PCDHA2: variants seen among roughly 807,000 people sequenced by gnomAD.
PCDHA2 encodes protocadherin alpha-2.
In PCDHA2, 58 loss-of-function variants were observed where a neutral mutation model predicts 66.0. The ratio of observed to expected loss-of-function variants is 0.88; its 90% confidence interval spans 0.71 to 1.09. PCDHA2 has a LOEUF of 1.09. PCDHA2 is among the 50% of genes least tolerant of loss of function. PCDHA2 has a pLI of 0.00. For missense variants in PCDHA2, 1,267 were observed against 1,242.3 expected (o/e 1.02, Z -0.30); for synonymous variants, 634 against 554.0 (o/e 1.14, Z -2.03).
At chr5:140,805,078 C>T in intron 1 of PCDHA2, 2 of 1,593,568 alleles carry the variant, frequency 1.3e-6, no homozygotes, top group Non-Finnish European at 1.7e-6. Context: ...CTTCAATCTT[C>T]AAATCCAGCT....
chr5:140,877,432 C>A (rs782574302), intron 1 of PCDHA2: 1 of 1,613,874 alleles, frequency 6.2e-7, no homozygotes, highest in Non-Finnish European at 8.5e-7. Flanking sequence ...GGTGAAGGAC[C>A]ACGGTGAGCC....
chr5:140,954,405 G>T (rs246023), intron 1 of PCDHA2, among the ~76,000 whole-genome samples: 85,299 of 151,648 alleles, frequency 0.56, 24,568 homozygotes, highest in African/African-American at 0.69. Context: ...CCACCAACAG[G>T]GTAAAGGTGT....
chr5:140,952,952 G>C (rs1477546132), intron 1 of PCDHA2, among the ~76,000 whole-genome samples: 1 of 151,924 alleles, frequency 6.6e-6, no homozygotes, highest in Non-Finnish European at 1.5e-5. Context: ...GAGAGAAGGG[G>C]GAAGTGATAC....
At chr5:140,858,625 T>A (rs2045528405) in intron 1 of PCDHA2, 1 of 1,095,156 alleles carries the variant, frequency 9.1e-7, no homozygotes, top group South Asian at 1.7e-5. Flanking sequence ...CTACCCAGTG[T>A]GTCAGCCTTT....
In PCDHA2 at chr5:140,807,979, T is replaced by C. The variant is rs116894179; in HGVS notation, c.2388+10627T>C. 3.1e-6 allele frequency: 5 copies of C among 1,613,764 alleles called. No individual in the cohort carries two copies. In the East Asian group the frequency reaches 8.9e-5, roughly 29 times the overall value. On this transcript the variant is annotated intron_variant, in intron 1 of 3. Transcript: ENST00000526136. ...CTAATGGAACATTGGTAATTAAACT[T>C]AACGCCTCAGATTTAGACGAAGGAT...
intron 1 of PCDHA2, chr5:140,883,426 C>T: frequency 6.2e-7 from 1 of 1,614,196 alleles, no homozygotes; most frequent in Non-Finnish European, 8.5e-7. Context: ...GACAGGTCAC[C>T]TGCACCTTGA....
Position 140,982,513 on chromosome 5 carries a change from G to A in PCDHA2, c.2486G>A (p.Gly829Asp). Residue 829 changes from glycine (G) to aspartate (D), a missense_variant, in exon 3 of 4, where the codon GGT (glycine) becomes GAT (aspartate). Transcript: ENST00000526136. ...HLEEAGILRA[G>D]PGGPDQQWPT... is the part of the protein sequence containing the mutation. ...GAGGAGGCTGGCATTCTACGGGCTGGTCCAGGAGGGCCTGATCAGCAGTGG... is the reference window on the plus strand; with the variant it reads ...GAGGAGGCTGGCATTCTACGGGCTGATCCAGGAGGGCCTGATCAGCAGTGG... The A allele has an allele frequency of 6.2e-7, 1 of 1,614,194 alleles. No individual in the cohort carries two copies. Among genetic ancestry groups the A allele is most frequent in the Non-Finnish European group, 8.5e-7 (1 of 1,180,032 alleles).
intron 1 of PCDHA2, chr5:140,865,781 A>G (rs1213634186): frequency 3.3e-5 from 5 of 152,208 alleles, no homozygotes; most frequent in Admixed American, 1.3e-4. Flanking sequence ...TCAAATGTGT[A>G]TCTTTCAGGC....
intron 1 of PCDHA2, chr5:140,808,385 A>G (rs534285783): frequency 6.2e-7 from 1 of 1,614,148 alleles, no homozygotes; most frequent in African/African-American, 1.3e-5. Context: ...GCTGGTGTCC[A>G]CCTTCAAGAA....
chr5:140,870,055 G>A (rs868919509), intron 1 of PCDHA2: 6 of 1,613,774 alleles, frequency 3.7e-6, no homozygotes, highest in Non-Finnish European at 5.1e-6. Context: ...TTATAAAATT[G>A]AAGTACAGGC....
At position 140,882,987 on chromosome 5, in the gene PCDHA2, C is replaced by T; in HGVS notation, c.2388+85635C>T. The T allele has an allele frequency of 1.9e-6, 3 of 1,614,110 alleles. No individual in the cohort carries two copies. The highest frequency in any genetic ancestry group is 1.7e-6 in the Non-Finnish European group (2 of 1,180,042). ...ATTCTGGACGTGAATGACAACGCCC[C>T]GGAATTTTACCAATCCGTTTATAAA... is the stretch of plus-strand genomic sequence containing the variant. On this transcript the variant is annotated intron_variant, in intron 1 of 3. Coordinates refer to ENST00000526136, the MANE Select transcript of PCDHA2 (RefSeq NM_018905.3).
At chr5:140,801,587 G>C in intron 1 of PCDHA2, 1 of 1,614,210 alleles carries the variant, frequency 6.2e-7, no homozygotes, top group South Asian at 1.1e-5. Context: ...ATGACAACGC[G>C]CCAGTTTTTC....
chr5:140,882,985 C>T (rs1554176359), intron 1 of PCDHA2: 14 of 1,614,110 alleles, frequency 8.7e-6, no homozygotes, highest in Non-Finnish European at 1.1e-5. Flanking sequence ...ATGACAACGC[C>T]CCGGAATTTT....
rs782184651 is a variant in PCDHA2, at chr5:140,796,668, T to C, written c.1704T>C (p.Pro568=). ...ENDNAPALLA[P]RAGTAAGAVS... ...ACAACGCGCCGGCACTGTTGGCGCC[T>C]AGGGCTGGCACCGCTGCTGGCGCAG... Residue 568 remains proline, a synonymous_variant, in exon 1 of 4, where the codon CCT becomes CCC. Coordinates refer to ENST00000526136, the MANE Select transcript of PCDHA2 (RefSeq NM_018905.3). 2.5e-6 allele frequency: 4 copies of C among 1,613,754 alleles called. No homozygotes were observed. The highest frequency in any genetic ancestry group is 3.3e-5 in the Admixed American group (2 of 59,982).
Position 140,968,209 on chromosome 5 carries a change from C to A in PCDHA2, c.2389-10740C>A, listed in dbSNP as rs781795931. The A allele has an allele frequency of 2.5e-6, 4 of 1,613,884 alleles. No homozygotes were observed. In the African/African-American group the frequency reaches 4.0e-5, roughly 16 times the overall value. Reference sequence around the variant, plus strand: ...CCTATTCCATCTACATACAGGAGAACAATTTGCCAGGTGTGTTGCTCTGTA... The same window carrying A: ...CCTATTCCATCTACATACAGGAGAAAAATTTGCCAGGTGTGTTGCTCTGTA... On this transcript the variant is annotated intron_variant, in intron 1 of 3. Coordinates refer to ENST00000526136, the MANE Select transcript of PCDHA2 (RefSeq NM_018905.3).
intron 1 of PCDHA2, chr5:140,928,237 C>T: frequency 6.2e-7 from 1 of 1,614,228 alleles, no homozygotes; most frequent in Non-Finnish European, 8.5e-7. Context: ...TCCTCAACCC[C>T]AGCAGGAACT....
chr5:140,888,421 G>T (rs1046155514), intron 1 of PCDHA2, among the ~76,000 whole-genome samples: 9 of 152,144 alleles, frequency 5.9e-5, no homozygotes. Context: ...ACATCCTACC[G>T]TGCACAGGAC....
At chr5:140,978,861 T>C (rs540878929) in intron 1 of PCDHA2, 88 bp from the exon 2 acceptor site, 1 of 1,599,110 alleles carries the variant, frequency 6.3e-7, no homozygotes, top group African/African-American at 1.3e-5. Flanking sequence ...CCTGGAAATA[T>C]TTAAGGGAGT....
chr5:140,836,190 T>G, intron 1 of PCDHA2: 1 of 1,613,826 alleles, frequency 6.2e-7, no homozygotes, highest in East Asian at 2.2e-5. Flanking sequence ...TGACTCAGGC[T>G]ACAACGCGTG....
Sources: allele counts gnomAD v4.1 joint callset (sites outside exome capture counted in the v4.1 genomes callset), GRCh38; gene constraint gnomAD v4.1.1; transcripts MANE v1.5; gene names NCBI Gene and HGNC (gene_info 2026-07-23, HGNC 2026-07-21).